Variants in TFPT observed in about 807,000 individuals in gnomAD.
TFPT encodes INO80 complex subunit F.
A neutral mutation model predicts 28.8 loss-of-function variants in TFPT; 27 were observed. That is an observed-to-expected ratio of 0.94 (90% CI 0.69 to 1.29). The LOEUF (loss-of-function observed/expected upper bound fraction) is 1.29, where lower values mean the gene tolerates loss of function less well. Among genes scored for constraint, TFPT ranks in the 50% most tolerant of loss-of-function variants. The probability of loss-of-function intolerance (pLI) is 0.00; values close to 1 mark genes in which losing one functional copy is unlikely to be tolerated. For missense variants in TFPT, 330 were observed against 338.0 expected, an observed-to-expected ratio of 0.98 and a Z score of 0.19; for synonymous variants, 152 against 142.8, an observed-to-expected ratio of 1.06 and a Z score of -0.46.
At chr19:54,107,543 C>A in intron 5 of TFPT, 1 of 298,262 alleles carries the variant, frequency 3.4e-6, no homozygotes. Context: ...GCCACTGCAC[C>A]TGGCCAGCCT....
chr19:54,111,244 G>A (rs79584852), intron 2 of TFPT, among the ~76,000 whole-genome samples: 19,917 of 152,182 alleles, frequency 0.13, 1,359 homozygotes, highest in Admixed American at 0.19. Flanking sequence ...TCCTGGGTCA[G>A]AAAGACCTGA....
chr19:54,115,457 C>T lies in TFPT; in HGVS notation c.-188G>A, dbSNP rs1177311955. On this transcript the variant is annotated 5_prime_UTR_variant, in exon 1 of 6. Coordinates refer to ENST00000391759, the MANE Select transcript of TFPT (RefSeq NM_013342.4). ...CTTCGGCCCACCCCCACGTCCACCCCGAATCCCTGCTTAAAGGCCTTGCTT... is the reference window on the plus strand; with the variant it reads ...CTTCGGCCCACCCCCACGTCCACCCTGAATCCCTGCTTAAAGGCCTTGCTT... 8.6e-6 allele frequency: 6 copies of T among 697,830 alleles called. No individual in the cohort carries two copies. In the East Asian group the frequency reaches 1.6e-4, roughly 19 times the overall value. 43.2% of individuals were successfully genotyped at this position (697,830 alleles called of 1,614,324 possible). A position where few individuals can be genotyped will look rare whatever the true frequency, so the allele number is the denominator to read the frequency against.
intron 2 of TFPT, 40 bp from the exon 3 acceptor site, chr19:54,110,161 TC>T (rs1213192459): frequency 1.2e-6 from 2 of 1,608,464 alleles, no homozygotes; most frequent in East Asian, 4.5e-5. Flanking sequence ...ATCCCACGGC[TC>T]CCGTTCATTT....
At chr19:54,109,546 G>A (rs2073382424) in intron 3 of TFPT, among the ~76,000 whole-genome samples, 1 of 152,030 alleles carries the variant, frequency 6.6e-6, no homozygotes, top group Non-Finnish European at 1.5e-5. Context: ...GGCAGGGGCA[G>A]CAGCCACCTG....
chr19:54,113,289 A>G (rs2073507057), intron 2 of TFPT, among the ~76,000 whole-genome samples: 1 of 151,890 alleles, frequency 6.6e-6, no homozygotes, highest in Non-Finnish European at 1.5e-5. Flanking sequence ...GTAAATTGGG[A>G]CACAGACACA....
intron 2 of TFPT, among the ~76,000 whole-genome samples, chr19:54,113,091 C>T (rs1359207298): frequency 2.4e-4 from 15 of 61,666 alleles, no homozygotes; most frequent in African/African-American, 9.9e-4. Context: ...GAGACTCCAC[C>T]TCAAAAAAAA....
intron 3 of TFPT, 75 bp from the exon 4 acceptor site, chr19:54,108,470 T>C (rs2073349753): frequency 6.2e-7 from 1 of 1,613,608 alleles, no homozygotes; most frequent in African/African-American, 1.3e-5. Context: ...AGGATAGAGC[T>C]CAGCTCCCAC....
chr19:54,115,565 T>G lies in TFPT; in HGVS notation c.-296A>C, dbSNP rs1157397637. The G allele has an allele frequency of 1.2e-5, 7 of 576,324 alleles. No homozygotes were observed. The Admixed American group carries it at 2.1e-4, about 17-fold the overall frequency. The allele number at this position is 576,324 out of a possible 1,614,324, so 35.7% of individuals were successfully genotyped here. A position where few individuals can be genotyped will look rare whatever the true frequency, so the allele number is the denominator to read the frequency against. On this transcript the variant is annotated 5_prime_UTR_variant, in exon 1 of 6. Coordinates refer to ENST00000391759, the MANE Select transcript of TFPT (RefSeq NM_013342.4). ...ACGCCCCGTCGTCCGGCCACAGCGATTCTCTGCTTAGCAGGATCGGTCCAC... is the reference window on the plus strand; with the variant it reads ...ACGCCCCGTCGTCCGGCCACAGCGAGTCTCTGCTTAGCAGGATCGGTCCAC...
rs587725601 is a variant in TFPT at position 54,107,935 on chromosome 19, C to T, written c.642+91G>A. 7.7e-5 allele frequency: 106 copies of T among 1,377,476 alleles called. 1 individual carries two copies. The South Asian group carries it at 9.1e-4, about 12-fold the overall frequency. 85.3% of individuals were successfully genotyped at this position (1,377,476 alleles called of 1,614,324 possible). A position where few individuals can be genotyped will look rare whatever the true frequency, so the allele number is the denominator to read the frequency against. ...CCCTGAACCTAACTCAGCCCCAGCC[C>T]TGGCCCCTCCCCTTGAGTCCCCCCT... On this transcript the variant is annotated intron_variant, in intron 5 of 5. Transcript: ENST00000391759.
intron 1 of TFPT, chr19:54,115,031 G>T: frequency 1.3e-6 from 1 of 741,544 alleles, no homozygotes; most frequent in Non-Finnish European, 2.2e-6. Context: ...AAGAGTCCTG[G>T]CTTCCAACCT....
chr19:54,108,712 A>G lies in TFPT; in HGVS notation c.354-317T>C, dbSNP rs587774848. 75 of 988,418 alleles carry G rather than the reference A, an allele frequency of 7.6e-5. No individual in the cohort carries two copies. The East Asian group carries it at 1.7e-3, about 23-fold the overall frequency. The allele number at this position is 988,418 out of a possible 1,614,324, so 61.2% of individuals were successfully genotyped here. A position where few individuals can be genotyped will look rare whatever the true frequency, so the allele number is the denominator to read the frequency against. ...TGTACTTAATGTGATGTCAGCACTT[A>G]GTAAACATTCATATGTGAGTTATAA... is the stretch of plus-strand genomic sequence containing the variant. On this transcript the variant is annotated intron_variant, in intron 3 of 5. Coordinates refer to ENST00000391759, the MANE Select transcript of TFPT (RefSeq NM_013342.4).
intron 1 of TFPT, 80 bp from the exon 2 acceptor site, chr19:54,114,780 C>T: frequency 6.6e-7 from 1 of 1,518,118 alleles, no homozygotes. Flanking sequence ...AGCCCAGACC[C>T]CAACCCCTCC....
intron 2 of TFPT, among the ~76,000 whole-genome samples, chr19:54,113,093 C>CAAAAAA (rs139440012): frequency 1.7e-5 from 1 of 58,560 alleles, no homozygotes; most frequent in African/African-American, 7.4e-5. Context: ...GACTCCACCT[C>CAAAAAA]AAAAAAAAAA....
rs147114902 is a variant in TFPT, at chr19:54,108,751, C to G, written c.354-356G>C. ...TGTGAGTTATAATTTTTATTGATAA[C>G]TGAAGAGAGGGGAGTACAGAACGCT... On this transcript the variant is annotated intron_variant, in intron 3 of 5. Transcript: ENST00000391759. The G allele has an allele frequency of 2.2e-3, 1,712 of 778,242 alleles. 27 individuals carry two copies. In the African/African-American group the frequency reaches 0.027, roughly 12 times the overall value. 48.2% of individuals were successfully genotyped at this position (778,242 alleles called of 1,614,324 possible). A position where few individuals can be genotyped will look rare whatever the true frequency, so the allele number is the denominator to read the frequency against.
intron 5 of TFPT, chr19:54,107,595 A>G (rs1462509501): frequency 3.8e-6 from 1 of 260,262 alleles, no homozygotes; most frequent in Non-Finnish European, 7.3e-6. Context: ...TCCTCCTTAC[A>G]CCTCAGAGGC....
In TFPT at chr19:54,114,700, C is replaced by T. The variant is rs1171479858; in HGVS notation, c.24G>A (p.Gly8=). 1 of 1,611,566 alleles carries T rather than the reference C, an allele frequency of 6.2e-7. No individual in the cohort carries two copies. The highest frequency in any genetic ancestry group is 2.2e-5 in the East Asian group (1 of 44,866). ...CCTCAAAGCCCACGGCTGCCATGGT[C>T]CTGAGAGGCAGGGAAAGGCTCAGGG... The part of the protein sequence containing the change: MELEQRE[G]TMAAVGFEEF... Residue 8 remains glycine, a splice_region_variant and synonymous_variant, in exon 2 of 6, where the codon GGG becomes GGA. Coordinates refer to ENST00000391759, the MANE Select transcript of TFPT (RefSeq NM_013342.4).
intron 2 of TFPT, 29 bp from the exon 3 acceptor site, chr19:54,110,150 G>C: frequency 6.2e-7 from 1 of 1,611,896 alleles, no homozygotes; most frequent in Non-Finnish European, 8.5e-7. Flanking sequence ...CCATCAGCTG[G>C]ATCCCACGGC....
Position 54,108,401 on chromosome 19 carries a change from C to T in TFPT, c.354-6G>A. 6 of 1,613,930 alleles carry T rather than the reference C, an allele frequency of 3.7e-6. No individual in the cohort carries two copies. The highest frequency in any genetic ancestry group is 1.1e-5 in the South Asian group (1 of 91,054). ...CCAGCACTCTCATGAGGAACCTGCT[C>T]AGGGGGAGAAGCCACCAACGGAATA... On this transcript the variant is annotated splice_polypyrimidine_tract_variant and splice_region_variant and intron_variant, in intron 3 of 5. Coordinates refer to ENST00000391759, the MANE Select transcript of TFPT (RefSeq NM_013342.4).
intron 5 of TFPT, 82 bp downstream of exon 5, chr19:54,107,944 C>A: frequency 7.1e-7 from 1 of 1,416,140 alleles, no homozygotes; most frequent in Non-Finnish European, 9.5e-7. Context: ...CCTGGCCCCT[C>A]CCCTTGAGTC....
Sources: allele counts gnomAD v4.1 joint callset (sites outside exome capture counted in the v4.1 genomes callset), GRCh38; gene constraint gnomAD v4.1.1; transcripts MANE v1.5; gene names NCBI Gene and HGNC (gene_info 2026-07-23, HGNC 2026-07-21).